CEP72: variants seen among roughly 807,000 people sequenced by gnomAD.
The protein encoded by CEP72 is centrosomal protein of 72 kDa.
CEP72 carries 78 observed loss-of-function variants against 65.7 expected under a neutral mutation model. The ratio of observed to expected loss-of-function variants is 1.19; its 90% confidence interval spans 0.99 to 1.43. CEP72 has a LOEUF of 1.43. CEP72 is among the 40% of genes most tolerant of loss of function. CEP72 has a pLI of 0.00. For missense variants in CEP72, 914 were observed against 832.9 expected, an observed-to-expected ratio of 1.10 and a Z score of -1.20; for synonymous variants, 358 against 351.7, an observed-to-expected ratio of 1.02 and a Z score of -0.20.
At chr5:617,986 G>A (rs1488595377) in intron 1 of CEP72, among the ~76,000 whole-genome samples, 1 of 152,190 alleles carries the variant, frequency 6.6e-6, no homozygotes, top group Non-Finnish European at 1.5e-5. Flanking sequence ...AATTAATGTT[G>A]ATGTAGTGAC....
Position 639,067 on chromosome 5 carries a change from C to T in CEP72, c.1207-22C>T, listed in dbSNP as rs376786857. ...ACCTCAGTTACTGACTCGCTGGCCT[C>T]ATGCTGTTGTTTCCATCACAGCCGT... On this transcript the variant is annotated intron_variant, in intron 7 of 11. Coordinates refer to ENST00000264935, the MANE Select transcript of CEP72 (RefSeq NM_018140.4). 3 of 1,612,956 alleles carry T rather than the reference C, an allele frequency of 1.9e-6. No individual in the cohort carries two copies. The African/African-American group carries it at 4.0e-5, about 22-fold the overall frequency.
intron 4 of CEP72, among the ~76,000 whole-genome samples, chr5:628,911 A>C: frequency 8.7e-6 from 1 of 115,282 alleles, no homozygotes; most frequent in African/African-American, 4.2e-5. Flanking sequence ...TGGCCCCAGG[A>C]CCCAGCCCCC....
chr5:665,105 C>T (rs748989836), intron 2 of CEP72: 3 of 1,609,716 alleles, frequency 1.9e-6, no homozygotes, highest in Admixed American at 3.3e-5. Context: ...GCGGGGGCTA[C>T]TTGCCCCCTT....
chr5:615,539 T>G (rs1735942320), intron 1 of CEP72, among the ~76,000 whole-genome samples: 1 of 152,234 alleles, frequency 6.6e-6, no homozygotes, highest in South Asian at 2.1e-4. Flanking sequence ...TGGCGTATCT[T>G]TTCCTATCCA....
chr5:626,677 A>G (rs1250582941), intron 4 of CEP72, among the ~76,000 whole-genome samples: 1 of 151,922 alleles, frequency 6.6e-6, no homozygotes, highest in South Asian at 2.1e-4. Context: ...TTTTTTCTTA[A>G]TTAACTGGGT....
downstream of CEP72, among the ~76,000 whole-genome samples, chr5:654,345 G>A (rs528579203): frequency 4.1e-5 from 6 of 144,856 alleles, no homozygotes; most frequent in Non-Finnish European, 6.1e-5. Flanking sequence ...GTGTGTGCGC[G>A]CACGCACCCT....
chr5:673,240 G>T, the CEP72 span, among the ~76,000 whole-genome samples: 11 of 152,170 alleles, frequency 7.2e-5, no homozygotes, highest in Non-Finnish European at 1.5e-4. Flanking sequence ...AACGCCTCGT[G>T]GTGGCCCTGC....
At chr5:649,289 C>T (rs868365731) in intron 11 of CEP72, among the ~76,000 whole-genome samples, 1 of 61,960 alleles carries the variant, frequency 1.6e-5, no homozygotes, top group African/African-American at 1.0e-4. Context: ...GACTGTGAGG[C>T]ATGGACTGTG....
intron 9 of CEP72, chr5:641,613 A>T (rs1738032196): frequency 1.0e-6 from 1 of 973,554 alleles, no homozygotes; most frequent in African/African-American, 1.9e-5. Context: ...CGTGGCCTTC[A>T]TCTGGAAGCC....
At chr5:618,512 T>C (rs982888548) in intron 1 of CEP72, among the ~76,000 whole-genome samples, 7 of 152,188 alleles carry the variant, frequency 4.6e-5, no homozygotes, top group African/African-American at 1.7e-4. Context: ...AGGAAGGCTT[T>C]ATTCAGAACC....
chr5:643,475 G>A (rs1011094497), intron 9 of CEP72: 12 of 985,412 alleles, frequency 1.2e-5, no homozygotes, highest in Admixed American at 1.2e-4. Flanking sequence ...GGGGCCTGGC[G>A]GGTGCATGCA....
chr5:635,918 C>T (rs2455332), intron 6 of CEP72, among the ~76,000 whole-genome samples: 5,720 of 94,828 alleles, frequency 0.06, no homozygotes, highest in East Asian at 0.13. Flanking sequence ...ACAGCATTCC[C>T]GCCTCCCTGA....
downstream of CEP72, among the ~76,000 whole-genome samples, chr5:658,896 C>T (rs1209780833): frequency 6.6e-6 from 1 of 152,114 alleles, no homozygotes; most frequent in Non-Finnish European, 1.5e-5. Context: ...TCTCAATCTC[C>T]TGACCTTGTG....
In CEP72 at chr5:640,517, G is replaced by T. The variant is rs1227496946; in HGVS notation, c.1452G>T (p.Leu484=). 6.2e-7 allele frequency: 1 copy of T among 1,614,086 alleles called. No homozygotes were observed. The highest frequency in any genetic ancestry group is 2.2e-5 in the East Asian group (1 of 44,906). Residue 484 remains leucine, a synonymous_variant, in exon 9 of 12, where the codon CTG becomes CTT. Coordinates refer to ENST00000264935, the MANE Select transcript of CEP72 (RefSeq NM_018140.4). ...VGSLALESKS[L]QSRLAEQQQQ... ...CCCTGGCTCTGGAGAGTAAGTCCCTGCAAAGCCGCCTTGCTGAGCAGCAGC... is the reference window on the plus strand; with the variant it reads ...CCCTGGCTCTGGAGAGTAAGTCCCTTCAAAGCCGCCTTGCTGAGCAGCAGC...
chr5:628,029 G>A (rs938553585), intron 4 of CEP72, among the ~76,000 whole-genome samples: 2 of 152,206 alleles, frequency 1.3e-5, no homozygotes, highest in African/African-American at 4.8e-5. Context: ...GCCACTGCAC[G>A]TAAGATTACT....
At chr5:672,984 T>C in the CEP72 span, among the ~76,000 whole-genome samples, 1 of 152,192 alleles carries the variant, frequency 6.6e-6, no homozygotes, top group Non-Finnish European at 1.5e-5. Flanking sequence ...GGTGGAGCCA[T>C]GGCAACCTGC....
chr5:641,726 C>A, intron 9 of CEP72: 1 of 985,092 alleles, frequency 1.0e-6, no homozygotes, highest in Non-Finnish European at 1.2e-6. Context: ...TTTAAACACA[C>A]ATGGCCCCCC....
chr5:617,807 G>C (rs185854129), intron 1 of CEP72, among the ~76,000 whole-genome samples: 1 of 152,348 alleles, frequency 6.6e-6, no homozygotes, highest in East Asian at 1.9e-4. Context: ...GGAGGTTGCA[G>C]TGAGCCGAGA....
intron 4 of CEP72, among the ~76,000 whole-genome samples, chr5:629,279 A>G (rs1334138951): frequency 2.0e-5 from 3 of 152,276 alleles, no homozygotes; most frequent in Non-Finnish European, 2.9e-5. Context: ...GAAAGTGAAC[A>G]TTTGGAACAC....
Sources: gnomAD v4.1 joint callset for allele counts (sites outside exome capture counted in the v4.1 genomes callset) on GRCh38, gnomAD v4.1.1 for gene constraint, MANE v1.5 for transcripts, NCBI Gene and HGNC (gene_info 2026-07-23, HGNC 2026-07-21) for gene names.